The following SPIDR variants were observed in gnomAD, a reference collection of about 807,000 sequenced individuals.
SPIDR encodes scaffold protein involved in DNA repair, also known as DNA repair-scaffolding protein.
A neutral mutation model predicts 104.6 loss-of-function variants in SPIDR; 93 were observed. That is an observed-to-expected ratio of 0.89 (90% CI 0.75 to 1.06). The LOEUF is 1.06. Ranked by LOEUF, SPIDR falls within the 50% of genes least tolerant of loss-of-function variation. The probability of loss-of-function intolerance (pLI) is 0.00; values close to 1 mark genes in which losing one functional copy is unlikely to be tolerated. For synonymous variants in SPIDR, 431 were observed against 416.9 expected, an observed-to-expected ratio of 1.03 and a Z score of -0.41; for missense variants, 1,154 against 1,111.2, an observed-to-expected ratio of 1.04 and a Z score of -0.55.
At chr8:47,413,361 T>C (rs1377676583) in intron 7 of SPIDR, among the ~76,000 whole-genome samples, 1 of 152,252 alleles carries the variant, frequency 6.6e-6, no homozygotes, top group African/African-American at 2.4e-5. Flanking sequence ...TTGCTCTGAT[T>C]ATCTAGCCAA....
At chr8:47,640,186 G>A (rs1279299781) in intron 10 of SPIDR, among the ~76,000 whole-genome samples, 1 of 152,162 alleles carries the variant, frequency 6.6e-6, no homozygotes, top group Non-Finnish European at 1.5e-5. Flanking sequence ...ATGCTGCAGA[G>A]CTATTGGCCA....
intron 10 of SPIDR, among the ~76,000 whole-genome samples, chr8:47,638,629 G>A (rs2068344062): frequency 6.6e-6 from 1 of 152,132 alleles, no homozygotes; most frequent in Non-Finnish European, 1.5e-5. Context: ...TTATTTAGTT[G>A]TTTACTAATT....
At chr8:47,432,371 C>CT (rs2067513622) in intron 7 of SPIDR, among the ~76,000 whole-genome samples, 1 of 152,086 alleles carries the variant, frequency 6.6e-6, no homozygotes, top group Non-Finnish European at 1.5e-5. Flanking sequence ...TCTGGGTACA[C>CT]GCAAAGTGCA....
chr8:47,415,883 C>A (rs1016608496), intron 7 of SPIDR, among the ~76,000 whole-genome samples: 26 of 152,134 alleles, frequency 1.7e-4, no homozygotes, highest in Admixed American at 1.4e-3. Context: ...CTCATGCCAC[C>A]CTTTATAGCC....
intron 1 of SPIDR, among the ~76,000 whole-genome samples, chr8:47,271,129 A>G (rs1416777468): frequency 6.6e-6 from 1 of 152,094 alleles, no homozygotes; most frequent in East Asian, 1.9e-4. Flanking sequence ...TACATGACGT[A>G]TATTTTCTTT....
intron 8 of SPIDR, among the ~76,000 whole-genome samples, chr8:47,474,802 T>A (rs1315581352): frequency 6.6e-6 from 1 of 152,260 alleles, no homozygotes; most frequent in Non-Finnish European, 1.5e-5. Context: ...TTTTGTAGAA[T>A]GTCAGTAGAA....
At position 47,599,100 on chromosome 8, in the gene SPIDR, G is replaced by A. The variant is rs374255372; in HGVS notation, c.1448G>A (p.Arg483Gln). Residue 483 changes from arginine to glutamine, a missense_variant, in exon 10 of 20, where the codon CGA (arginine) becomes CAA (glutamine). Arg to Gln is a conservative substitution (Grantham distance 43). Transcript: ENST00000297423. ...GCCTCGTGGCCAGGAGCTGGAGTCC[G>A]AGTGGTGGTGCAAAGAGTGTATTCT... ...GAASWPGAGV[R>Q]VVVQRVYSLP... 35 of 1,612,474 alleles carry A rather than the reference G, an allele frequency of 2.2e-5. No individual in the cohort carries two copies. Among genetic ancestry groups the A allele is most frequent in the Non-Finnish European group, 2.6e-5 (31 of 1,179,372 alleles).
chr8:47,277,310 TGTTTG>T (rs2036646186), intron 1 of SPIDR, among the ~76,000 whole-genome samples: 5 of 145,294 alleles, frequency 3.4e-5, no homozygotes, highest in African/African-American at 1.3e-4. Context: ...ATTTATGTTA[TGTTTG>T]TTATGTTATG....
chr8:47,735,536 A>G lies in SPIDR; in HGVS notation c.*86A>G, dbSNP rs1282000116. On this transcript the variant is annotated 3_prime_UTR_variant, in exon 20 of 20. Transcript: ENST00000297423. ...GATTTGGGGTAGTTATTTGTTAACT[A>G]TGGACACAGTGAACGTAGTTTACGA... 4 of 1,598,968 alleles carry G rather than the reference A, an allele frequency of 2.5e-6. No individual in the cohort carries two copies. The highest frequency in any genetic ancestry group is 2.2e-5 in the South Asian group (2 of 89,986).
At chr8:47,506,038 A>G (rs191858787) in intron 8 of SPIDR, among the ~76,000 whole-genome samples, 320 of 152,274 alleles carry the variant, frequency 2.1e-3, no homozygotes, top group Non-Finnish European at 4.1e-3. Flanking sequence ...CCTTCTGTAG[A>G]TGTTTCTATA....
At chr8:47,382,723 A>AT (rs1226274334) in intron 5 of SPIDR, among the ~76,000 whole-genome samples, 7 of 152,110 alleles carry the variant, frequency 4.6e-5, no homozygotes, top group African/African-American at 1.2e-4. Flanking sequence ...GAAGTTTGTT[A>AT]TTTTTTTTAA....
At chr8:47,375,799 A>C (rs567322858) in intron 5 of SPIDR, among the ~76,000 whole-genome samples, 3 of 152,328 alleles carry the variant, frequency 2.0e-5, no homozygotes, top group South Asian at 2.1e-4. Context: ...TCATTAAATC[A>C]GTAAGTTGTA....
intron 8 of SPIDR, among the ~76,000 whole-genome samples, chr8:47,476,106 G>T (rs1467470332): frequency 3.3e-5 from 5 of 152,158 alleles, no homozygotes; most frequent in African/African-American, 1.2e-4. Context: ...TAAAGCTTTT[G>T]TGTATTCATT....
intron 8 of SPIDR, among the ~76,000 whole-genome samples, chr8:47,502,710 T>C (rs1338573722): frequency 6.6e-6 from 1 of 152,216 alleles, no homozygotes; most frequent in Non-Finnish European, 1.5e-5. Flanking sequence ...GTTTCTCTAG[T>C]TCTTTTAATT....
intron 11 of SPIDR, among the ~76,000 whole-genome samples, chr8:47,674,933 C>G (rs903893902): frequency 6.6e-6 from 1 of 152,176 alleles, no homozygotes; most frequent in African/African-American, 2.4e-5. Context: ...AGACATATCC[C>G]CTGTAAGCCC....
chr8:47,615,047 G>A (rs997045271), intron 10 of SPIDR, among the ~76,000 whole-genome samples: 2 of 151,648 alleles, frequency 1.3e-5, no homozygotes, highest in African/African-American at 2.4e-5. Context: ...TCTTGATAGT[G>A]TCCTTTGATA....
intron 5 of SPIDR, among the ~76,000 whole-genome samples, chr8:47,344,172 A>G (rs1336138738): frequency 1.8e-4 from 26 of 143,000 alleles, no homozygotes; most frequent in Admixed American, 4.3e-4. Flanking sequence ...GCTGTGTCCA[A>G]GTGTTCTCAT....
At chr8:47,584,642 T>G (rs1410150002) in intron 8 of SPIDR, among the ~76,000 whole-genome samples, 1 of 152,108 alleles carries the variant, frequency 6.6e-6, no homozygotes, top group African/African-American at 2.4e-5. Context: ...AACTAGGAGG[T>G]TCTAAATACA....
chr8:47,660,106 T>G (rs377525729), intron 10 of SPIDR, among the ~76,000 whole-genome samples: 5 of 152,218 alleles, frequency 3.3e-5, no homozygotes, highest in African/African-American at 1.2e-4. Context: ...AGTTAAAACT[T>G]TTTTAAAAGA....
Sources: allele counts gnomAD v4.1 joint callset (sites outside exome capture counted in the v4.1 genomes callset), GRCh38; gene constraint gnomAD v4.1.1; transcripts MANE v1.5; gene names NCBI Gene and HGNC (gene_info 2026-07-23, HGNC 2026-07-21).